Variants in MUSK observed in about 807,000 individuals in gnomAD.
MUSK encodes muscle, skeletal receptor tyrosine-protein kinase.
MUSK carries 55 observed loss-of-function variants against 88.7 expected under a neutral mutation model. The observed-to-expected ratio is 0.62, with a 90% CI of 0.50 to 0.78. The LOEUF (loss-of-function observed/expected upper bound fraction) is 0.78, where lower values mean the gene tolerates loss of function less well. MUSK is among the 30% of genes least tolerant of loss of function. The pLI is 0.00. For missense variants in MUSK, 1,015 were observed against 1,074.3 expected (o/e 0.94, Z 0.77); for synonymous variants, 387 against 391.9 (o/e 0.99, Z 0.15).
chr9:110,748,697 A>ACAG (rs1238848176), intron 7 of MUSK, among the ~76,000 whole-genome samples: 4 of 152,032 alleles, frequency 2.6e-5, no homozygotes, highest in African/African-American at 4.8e-5. Context: ...CCAACTCCCC[A>ACAG]CAGCCTGCTG....
intron 7 of MUSK, among the ~76,000 whole-genome samples, chr9:110,750,140 A>G (rs1325971676): frequency 2.0e-5 from 3 of 152,160 alleles, no homozygotes; most frequent in Non-Finnish European, 4.4e-5. Flanking sequence ...AAATAAACTG[A>G]TCTACTTTAA....
At chr9:110,788,683 C>G (rs981723105) in intron 14 of MUSK, among the ~76,000 whole-genome samples, 2 of 143,956 alleles carry the variant, frequency 1.4e-5, no homozygotes, top group African/African-American at 5.4e-5. Context: ...TACATTCACT[C>G]TATATGAGGA....
chr9:110,719,403 AT>A (rs1361551686), intron 5 of MUSK, among the ~76,000 whole-genome samples: 2 of 152,138 alleles, frequency 1.3e-5, no homozygotes, highest in African/African-American at 4.8e-5. Context: ...AACATATTCC[AT>A]ACAAACAGAC....
intron 6 of MUSK, among the ~76,000 whole-genome samples, chr9:110,745,129 T>C (rs186253918): frequency 2.0e-4 from 30 of 152,254 alleles, no homozygotes; most frequent in African/African-American, 6.7e-4. Context: ...AGGAGTCACT[T>C]TGTACTCAAG....
intron 5 of MUSK, among the ~76,000 whole-genome samples, chr9:110,723,267 A>G (rs2131810277): frequency 6.6e-6 from 1 of 152,042 alleles, no homozygotes; most frequent in South Asian, 2.1e-4. Flanking sequence ...ACACACATAC[A>G]TACCATGGAA....
At chr9:110,787,929 C>T in intron 14 of MUSK, 91 bp downstream of exon 14, 1 of 1,407,186 alleles carries the variant, frequency 7.1e-7, no homozygotes, top group Non-Finnish European at 9.9e-7. Flanking sequence ...TCCTTTTCTC[C>T]TTGATCAGTG....
intron 3 of MUSK, among the ~76,000 whole-genome samples, chr9:110,690,434 CAATATAAGTATAT>C (rs2076327933): frequency 2.5e-5 from 1 of 39,598 alleles, no homozygotes; most frequent in African/African-American, 1.4e-4. Flanking sequence ...ATATATATTT[CAATATAAGTATAT>C]ATAAATATAT....
chr9:110,692,815 A>G (rs1452177130), intron 3 of MUSK, among the ~76,000 whole-genome samples: 1 of 151,160 alleles, frequency 6.6e-6, no homozygotes, highest in East Asian at 1.9e-4. Flanking sequence ...TTAAAAAGAC[A>G]TTTTCTTTTT....
In MUSK at chr9:110,767,534, T is replaced by A. The variant is rs147878163; in HGVS notation, c.921-286T>A. Among the ~76,000 whole-genome samples the A allele has an allele frequency of 6.3e-3, 957 of 152,296 alleles. 9 individuals carry two copies. The highest frequency in any genetic ancestry group is 0.022 in the African/African-American group (922 of 41,558). ...GAGTAGTCAGATTCTATTTATAATG[T>A]AAAATATTAAAAATACCCAAATCTA... On this transcript the variant is annotated intron_variant, in intron 8 of 14. Transcript: ENST00000374448.
intron 10 of MUSK, 77 bp downstream of exon 10, chr9:110,776,040 A>G: frequency 6.9e-7 from 1 of 1,458,952 alleles, no homozygotes; most frequent in Non-Finnish European, 9.2e-7. Flanking sequence ...GTGAACTTAA[A>G]GCTTCTAATA....
chr9:110,779,395 T>C lies in MUSK; in HGVS notation c.1384+2740T>C, dbSNP rs146514805. 2.0e-3 allele frequency among the ~76,000 whole-genome samples: 305 copies of C among 152,312 alleles called. 5 individuals carry two copies. Among genetic ancestry groups the C allele is most frequent in the African/African-American group, 7.0e-3 (292 of 41,586 alleles). ...TGATCTTCACTCTATTTCTTTGATTTATTTATAATCTGTATGATAGTCCTT... is the reference window on the plus strand; with the variant it reads ...TGATCTTCACTCTATTTCTTTGATTCATTTATAATCTGTATGATAGTCCTT... On this transcript the variant is annotated intron_variant, in intron 11 of 14. Coordinates refer to ENST00000374448, the MANE Select transcript of MUSK (RefSeq NM_005592.4).
chr9:110,759,822 C>T (rs889786936), intron 7 of MUSK, among the ~76,000 whole-genome samples: 1 of 152,086 alleles, frequency 6.6e-6, no homozygotes, highest in Non-Finnish European at 1.5e-5. Flanking sequence ...CAAAACATAA[C>T]AGATGCTGTC....
chr9:110,689,564 A>ATAT (rs1286296929), intron 3 of MUSK, among the ~76,000 whole-genome samples: 8 of 79,922 alleles, frequency 1.0e-4, no homozygotes, highest in Non-Finnish European at 1.5e-4. Flanking sequence ...TATATATTAT[A>ATAT]TATATTTATA....
At position 110,747,682 on chromosome 9, in the gene MUSK, G is replaced by A. The variant is rs2077191489; in HGVS notation, c.795G>A (p.Val265=). The change falls in exon 7 of 15, where the codon GTG becomes GTA. Residue 265 remains valine, a synonymous_variant. Transcript: ENST00000374448. ...TTCAAGAGAGTGTGAAAGACCGAGT[G>A]ATTGACTCAAGACTGCAGCTGTTTA... is the stretch of plus-strand genomic sequence containing the variant. ...GSIQESVKDR[V]IDSRLQLFIT... 6.2e-7 allele frequency: 1 copy of A among 1,613,702 alleles called. No individual in the cohort carries two copies. The highest frequency in any genetic ancestry group is 1.3e-5 in the African/African-American group (1 of 74,902).
chr9:110,689,011 C>T (rs1352776731), intron 3 of MUSK, among the ~76,000 whole-genome samples: 6 of 140,016 alleles, frequency 4.3e-5, no homozygotes, highest in African/African-American at 1.3e-4. Flanking sequence ...TATATAAAAA[C>T]ATATTTAAAT....
chr9:110,779,046 G>T (rs1212508903), intron 11 of MUSK, among the ~76,000 whole-genome samples: 1 of 135,820 alleles, frequency 7.4e-6, no homozygotes, highest in East Asian at 2.0e-4. Flanking sequence ...AAATCATGAA[G>T]CGTCAGTGTC....
intron 13 of MUSK, among the ~76,000 whole-genome samples, chr9:110,786,575 T>A (rs2077870649): frequency 6.6e-6 from 1 of 152,148 alleles, no homozygotes; most frequent in Admixed American, 6.5e-5. Context: ...TTACCATATA[T>A]TTTTAATCAT....
intron 3 of MUSK, among the ~76,000 whole-genome samples, chr9:110,688,827 G>C (rs1359323427): frequency 2.6e-5 from 4 of 151,374 alleles, no homozygotes; most frequent in African/African-American, 4.9e-5. Flanking sequence ...GTATTCCATG[G>C]TGTTTAGGTA....
At chr9:110,769,952 C>A (rs1393831957) in intron 9 of MUSK, among the ~76,000 whole-genome samples, 1 of 152,018 alleles carries the variant, frequency 6.6e-6, no homozygotes, top group East Asian at 1.9e-4. Flanking sequence ...GATTACAAAA[C>A]CCACAAGACT....
Sources: allele counts gnomAD v4.1 joint callset (sites outside exome capture counted in the v4.1 genomes callset), GRCh38; gene constraint gnomAD v4.1.1; transcripts MANE v1.5; gene names NCBI Gene and HGNC (gene_info 2026-07-23, HGNC 2026-07-21).